The following CDH1 variants were observed in gnomAD, a reference collection of about 807,000 sequenced individuals.
CDH1 encodes cadherin 1.
A neutral mutation model predicts 84.5 loss-of-function variants in CDH1; 35 were observed. The ratio of observed to expected loss-of-function variants is 0.41; its 90% CI spans 0.32 to 0.55. CDH1 has a LOEUF of 0.55. Among genes scored for constraint, CDH1 ranks in the 20% least tolerant of loss-of-function variants. The probability of loss-of-function intolerance (pLI) is 0.19; values close to 1 mark genes in which losing one functional copy is unlikely to be tolerated. For synonymous variants in CDH1, 417 were observed against 439.0 expected (o/e 0.95, Z 0.63); for missense variants, 994 against 1,126.6 (o/e 0.88, Z 1.68).
At chr16:68,773,823 T>G (rs769124685) in intron 2 of CDH1, among the ~76,000 whole-genome samples, 4 of 152,238 alleles carry the variant, frequency 2.6e-5, no homozygotes, top group Non-Finnish European at 5.9e-5. Context: ...CTCTTCCTGT[T>G]CATATCCATG....
intron 2 of CDH1, among the ~76,000 whole-genome samples, chr16:68,750,726 T>A (rs1278696552): frequency 6.6e-6 from 1 of 150,654 alleles, no homozygotes; most frequent in Non-Finnish European, 1.5e-5. Context: ...TTTTTTTTTT[T>A]AAGACAGGGT....
intron 2 of CDH1, among the ~76,000 whole-genome samples, chr16:68,759,781 A>T (rs958247290): frequency 1.3e-5 from 2 of 152,174 alleles, no homozygotes; most frequent in Non-Finnish European, 2.9e-5. Flanking sequence ...GGCGTGAGCC[A>T]CCACGCCGGG....
chr16:68,811,080 T>G (rs1960808454), intron 6 of CDH1, among the ~76,000 whole-genome samples: 1 of 151,912 alleles, frequency 6.6e-6, no homozygotes, highest in South Asian at 2.1e-4. Context: ...CTTGGTCACA[T>G]TCTTTTCTCT....
intron 12 of CDH1, chr16:68,822,736 C>T (rs984903102): frequency 1.5e-5 from 4 of 270,248 alleles, no homozygotes; most frequent in African/African-American, 2.2e-5. Flanking sequence ...TGCACCACTT[C>T]TTCCACAAAT....
At chr16:68,803,583 G>A (rs1344654408) in intron 3 of CDH1, among the ~76,000 whole-genome samples, 1 of 152,112 alleles carries the variant, frequency 6.6e-6, no homozygotes, top group Non-Finnish European at 1.5e-5. Flanking sequence ...TTTTAGTAGA[G>A]ATGGGTTTCA....
rs551211694 is a variant in CDH1, at chr16:68,786,496, C to G, written c.164-15174C>G. ...TACTTGGAATTCTTGAAGTGAGCCCCCCAGTCTGAGATCTTTCTGCTTTCT... is the reference window on the plus strand; with the variant it reads ...TACTTGGAATTCTTGAAGTGAGCCCGCCAGTCTGAGATCTTTCTGCTTTCT... On this transcript the variant is annotated intron_variant, in intron 2 of 15. Coordinates refer to ENST00000261769, the MANE Select transcript of CDH1 (RefSeq NM_004360.5). Among the ~76,000 whole-genome samples, 4 of 148,736 alleles carry G rather than the reference C, an allele frequency of 2.7e-5. No individual in the cohort carries two copies. The South Asian group carries it at 8.5e-4, about 32-fold the overall frequency.
intron 10 of CDH1, among the ~76,000 whole-genome samples, chr16:68,816,641 C>T (rs949584765): frequency 3.9e-5 from 6 of 152,160 alleles, no homozygotes; most frequent in South Asian, 2.1e-4. Context: ...CCCAGCTACT[C>T]GGGAGGCTGA....
At chr16:68,761,766 C>T (rs1007910520) in intron 2 of CDH1, among the ~76,000 whole-genome samples, 3 of 151,922 alleles carry the variant, frequency 2.0e-5, no homozygotes, top group Admixed American at 6.6e-5. Flanking sequence ...GTGTTCTAGA[C>T]GGAGGGGAGG....
intron 2 of CDH1, among the ~76,000 whole-genome samples, chr16:68,739,274 G>A (rs1345958318): frequency 1.3e-5 from 2 of 151,914 alleles, no homozygotes; most frequent in South Asian, 4.2e-4. Context: ...AAAATTAGCC[G>A]GGCATGGTGG....
chr16:68,810,416 C>T (rs1487835475), intron 6 of CDH1, 75 bp downstream of exon 6: 1 of 1,445,204 alleles, frequency 6.9e-7, no homozygotes, highest in African/African-American at 1.4e-5. Context: ...TTGTCCAAGC[C>T]CAAAGGTTGT....
intron 2 of CDH1, among the ~76,000 whole-genome samples, chr16:68,766,115 C>T (rs866675440): frequency 7.2e-5 from 11 of 152,056 alleles, no homozygotes; most frequent in South Asian, 6.3e-4. Flanking sequence ...GAAAATTAGC[C>T]GGGTGTGGTG....
intron 2 of CDH1, among the ~76,000 whole-genome samples, chr16:68,784,079 C>T (rs1191638845): frequency 6.6e-6 from 1 of 152,174 alleles, no homozygotes; most frequent in Non-Finnish European, 1.5e-5. Flanking sequence ...CCACCATAAA[C>T]AAGATTGTAG....
intron 3 of CDH1, among the ~76,000 whole-genome samples, chr16:68,806,122 A>ATGTT (rs377407300): frequency 0.036 from 5,211 of 144,526 alleles, 271 homozygotes; most frequent in African/African-American, 0.11. Flanking sequence ...TAATTTTTGT[A>ATGTT]TATTTATTTA....
At chr16:68,782,456 T>A (rs1164967403) in intron 2 of CDH1, among the ~76,000 whole-genome samples, 1 of 152,234 alleles carries the variant, frequency 6.6e-6, no homozygotes, top group Non-Finnish European at 1.5e-5. Context: ...GGGGCCACTC[T>A]GTAGTTGAAG....
chr16:68,766,765 T>C (rs1391419470), intron 2 of CDH1, among the ~76,000 whole-genome samples: 1 of 151,890 alleles, frequency 6.6e-6, no homozygotes, highest in Non-Finnish European at 1.5e-5. Flanking sequence ...TCTCACTCTG[T>C]TGCCCAGGCT....
chr16:68,820,539 A>C (rs960234532), intron 11 of CDH1, among the ~76,000 whole-genome samples: 6 of 151,882 alleles, frequency 4.0e-5, no homozygotes, highest in African/African-American at 1.5e-4. Context: ...TTTAGTAGAA[A>C]CGGGGTTTCA....
chr16:68,787,434 T>C (rs1399537067), intron 2 of CDH1, among the ~76,000 whole-genome samples: 2 of 152,154 alleles, frequency 1.3e-5, no homozygotes, highest in Non-Finnish European at 2.9e-5. Flanking sequence ...AAGTTCACAG[T>C]GCCCACACGT....
At chr16:68,830,598 G>A (rs1961459202) in intron 15 of CDH1, among the ~76,000 whole-genome samples, 1 of 152,086 alleles carries the variant, frequency 6.6e-6, no homozygotes, top group African/African-American at 2.4e-5. Context: ...AAGTTGGGGT[G>A]AGCAGTCTAG....
chr16:68,796,078 G>A (rs1384896111), intron 2 of CDH1, among the ~76,000 whole-genome samples: 2 of 151,934 alleles, frequency 1.3e-5, no homozygotes, highest in Admixed American at 6.6e-5. Context: ...CAGGAGAATG[G>A]CTTGAACCCG....
Sources: gnomAD v4.1 joint callset for allele counts (sites outside exome capture counted in the v4.1 genomes callset) on GRCh38, gnomAD v4.1.1 for gene constraint, MANE v1.5 for transcripts, NCBI Gene and HGNC (gene_info 2026-07-23, HGNC 2026-07-21) for gene names.